Variants in SLC35F1 observed in about 807,000 individuals in gnomAD.
SLC35F1 encodes chromosome 6 open reading frame 169.
In SLC35F1, 14 loss-of-function variants were observed where a neutral mutation model predicts 48.7. The ratio of observed to expected loss-of-function variants is 0.29; its 90% CI spans 0.19 to 0.45. SLC35F1 has a LOEUF of 0.45. Ranked by LOEUF, SLC35F1 falls within the 20% of genes least tolerant of loss-of-function variation. The pLI is 1.00. For missense variants in SLC35F1, 404 were observed against 500.0 expected (o/e 0.81, Z 1.83); for synonymous variants, 190 against 202.2 (o/e 0.94, Z 0.51).
In SLC35F1 at chr6:118,235,402, C is replaced by T. The variant is rs1019146715; in HGVS notation, c.350-107C>T. On this transcript the variant is annotated intron_variant, in intron 2 of 7. Coordinates refer to ENST00000360388, the MANE Select transcript of SLC35F1 (RefSeq NM_001029858.4). ...TTTATTTGTTTAAATATTTGGTAAA[C>T]TTTAGGTTAAAAATATATAATGTTG... 5 of 1,077,580 alleles carry T rather than the reference C, an allele frequency of 4.6e-6. No homozygotes were observed. In the African/African-American group the frequency reaches 4.8e-5, roughly 10 times the overall value. 66.8% of individuals were successfully genotyped at this position (1,077,580 alleles called of 1,614,324 possible).
intron 1 of SLC35F1, among the ~76,000 whole-genome samples, chr6:117,936,247 C>G (rs1293628094): frequency 6.6e-6 from 1 of 152,198 alleles, no homozygotes; most frequent in Non-Finnish European, 1.5e-5. Flanking sequence ...CTTGTGAACA[C>G]TGACAGTCCA....
chr6:118,182,532 G>GAAGGAAGGAAGGAAGT, intron 2 of SLC35F1, among the ~76,000 whole-genome samples: 1 of 117,200 alleles, frequency 8.5e-6, no homozygotes, highest in South Asian at 2.5e-4. Flanking sequence ...AGGAAGGAAG[G>GAAGGAAGGAAGGAAGT]AAGGAAGGAA....
In SLC35F1 at chr6:118,153,371, A is replaced by C. The variant is rs150252571; in HGVS notation, c.174-1074A>C. On this transcript the variant is annotated intron_variant, in intron 1 of 7. Coordinates refer to ENST00000360388, the MANE Select transcript of SLC35F1 (RefSeq NM_001029858.4). ...AATTGTTCTGCTTTGATTATTATAC[A>C]ATGTGAACATGTATCGAAACATGAG... is the stretch of plus-strand genomic sequence containing the variant. 5.9e-3 allele frequency among the ~76,000 whole-genome samples: 892 copies of C among 152,356 alleles called. 4 individuals are homozygous for C. The highest frequency in any genetic ancestry group is 0.014 in the Middle Eastern group (4 of 294).
At chr6:118,039,295 T>C (rs1031086697) in intron 1 of SLC35F1, among the ~76,000 whole-genome samples, 6 of 152,124 alleles carry the variant, frequency 3.9e-5, no homozygotes, top group Non-Finnish European at 8.8e-5. Flanking sequence ...TTCTTTACGT[T>C]TAGTTTTCAG....
At chr6:118,124,770 G>T (rs1773600381) in intron 1 of SLC35F1, among the ~76,000 whole-genome samples, 1 of 151,928 alleles carries the variant, frequency 6.6e-6, no homozygotes. Context: ...TTCATCTCAG[G>T]AACACTTCAG....
At chr6:118,160,551 T>C (rs886907532) in intron 2 of SLC35F1, among the ~76,000 whole-genome samples, 13 of 152,208 alleles carry the variant, frequency 8.5e-5, no homozygotes, top group African/African-American at 3.1e-4. Context: ...AAAAGTGAAC[T>C]GCATGCTTTA....
At chr6:118,004,846 T>C (rs982832251) in intron 1 of SLC35F1, among the ~76,000 whole-genome samples, 1 of 151,954 alleles carries the variant, frequency 6.6e-6, no homozygotes, top group Non-Finnish European at 1.5e-5. Context: ...ATATCGTACC[T>C]GGCCTCAACA....
intron 2 of SLC35F1, among the ~76,000 whole-genome samples, chr6:118,157,531 C>A (rs149131232): frequency 0.016 from 2,386 of 152,292 alleles, 69 homozygotes; most frequent in African/African-American, 0.054. Flanking sequence ...GGAAGCCAGT[C>A]CGAATCCCAA....
intron 1 of SLC35F1, among the ~76,000 whole-genome samples, chr6:118,084,256 A>C (rs1054852144): frequency 1.3e-5 from 2 of 151,978 alleles, no homozygotes; most frequent in East Asian, 3.9e-4. Flanking sequence ...TTTAAGTTTA[A>C]ACTTGTTAAA....
chr6:118,280,229 G>A (rs1230635904), intron 6 of SLC35F1, among the ~76,000 whole-genome samples: 1 of 152,114 alleles, frequency 6.6e-6, no homozygotes, highest in Non-Finnish European at 1.5e-5. Context: ...ATACCCTTCT[G>A]GGGAGCAGGA....
chr6:118,201,453 T>C (rs1226566484), intron 2 of SLC35F1, among the ~76,000 whole-genome samples: 1 of 152,236 alleles, frequency 6.6e-6, no homozygotes, highest in African/African-American at 2.4e-5. Flanking sequence ...AACATTTAGA[T>C]AGATTGTTCC....
intron 1 of SLC35F1, among the ~76,000 whole-genome samples, chr6:117,921,081 CACACACACACTT>C (rs974561695): frequency 2.7e-5 from 4 of 150,742 alleles, no homozygotes; most frequent in Non-Finnish European, 5.9e-5. Flanking sequence ...CACACACACA[CACACACACACTT>C]ACTTAGACTG....
chr6:117,958,360 T>C (rs6901861), intron 1 of SLC35F1, among the ~76,000 whole-genome samples: 4,977 of 152,212 alleles, frequency 0.033, 272 homozygotes, highest in African/African-American at 0.11. Context: ...AAATGTAGTA[T>C]AGCCTAAATG....
At chr6:118,208,734 CT>C (rs1475088828) in intron 2 of SLC35F1, among the ~76,000 whole-genome samples, 3 of 152,100 alleles carry the variant, frequency 2.0e-5, no homozygotes, top group African/African-American at 7.2e-5. Flanking sequence ...TCTTTGAAGC[CT>C]TTATTTTGGG....
In SLC35F1 at chr6:118,010,873, ACTCT is replaced by A. The variant is rs910162652; in HGVS notation, c.173+102982_173+102985del. 6.0e-4 allele frequency among the ~76,000 whole-genome samples: 91 copies of A among 152,128 alleles called. 1 individual carries two copies. Among genetic ancestry groups the A allele is most frequent in the African/African-American group, 1.9e-3 (77 of 41,516 alleles). Reference sequence around the variant, plus strand: ...CCAGAATAACCTCCTTCCTTTTCTAACTCTCTCTCTCACACAGAGACAACCAGGC... The same window carrying A: ...CCAGAATAACCTCCTTCCTTTTCTAACTCTCTCACACAGAGACAACCAGGC... On this transcript the variant is annotated intron_variant, in intron 1 of 7. Coordinates refer to ENST00000360388, the MANE Select transcript of SLC35F1 (RefSeq NM_001029858.4).
At chr6:118,196,030 G>T (rs192177321) in intron 2 of SLC35F1, among the ~76,000 whole-genome samples, 1 of 152,302 alleles carries the variant, frequency 6.6e-6, no homozygotes, top group Admixed American at 6.5e-5. Flanking sequence ...CCCCAGAATC[G>T]CAGCAGATTC....
chr6:118,263,073 T>C (rs1056797804), intron 3 of SLC35F1, among the ~76,000 whole-genome samples: 2 of 152,208 alleles, frequency 1.3e-5, no homozygotes, highest in African/African-American at 4.8e-5. Flanking sequence ...TTGTTTTGTT[T>C]TGAGACAGAA....
chr6:118,118,705 T>C (rs1470249466), intron 1 of SLC35F1, among the ~76,000 whole-genome samples: 1 of 152,162 alleles, frequency 6.6e-6, no homozygotes, highest in East Asian at 1.9e-4. Context: ...ATGAACATTT[T>C]CATATGTGGT....
intron 1 of SLC35F1, among the ~76,000 whole-genome samples, chr6:118,095,951 AGCCATAG>A (rs1773170217): frequency 6.6e-6 from 1 of 152,208 alleles, no homozygotes; most frequent in African/African-American, 2.4e-5. Flanking sequence ...CTGAGTGCCA[AGCCATAG>A]ACTTGGATCT....
Sources: gnomAD v4.1 joint callset for allele counts (sites outside exome capture counted in the v4.1 genomes callset) on GRCh38, gnomAD v4.1.1 for gene constraint, MANE v1.5 for transcripts, NCBI Gene and HGNC (gene_info 2026-07-23, HGNC 2026-07-21) for gene names.